The following MMP15 variants were observed in gnomAD, a reference collection of about 807,000 sequenced individuals.
MMP15 encodes matrix metallopeptidase 15, also known as matrix metalloproteinase-15.
Under a neutral mutation model 65.0 loss-of-function variants are expected in MMP15, and 36 were observed. That is an observed-to-expected ratio of 0.55 (90% CI 0.42 to 0.73). The LOEUF is 0.73. Among genes scored for constraint, MMP15 ranks in the 30% least tolerant of loss-of-function variants. The pLI, the probability that MMP15 is intolerant of heterozygous loss-of-function variation, is 0.00. For missense variants in MMP15, 870 were observed against 987.8 expected, an observed-to-expected ratio of 0.88 and a Z score of 1.60; for synonymous variants, 428 against 410.2, an observed-to-expected ratio of 1.04 and a Z score of -0.52.
At chr16:58,033,367 C>G (rs1959269372) in intron 1 of MMP15, among the ~76,000 whole-genome samples, 1 of 152,236 alleles carries the variant, frequency 6.6e-6, no homozygotes, top group Non-Finnish European at 1.5e-5. Context: ...GAGGCACTCA[C>G]TATCTCTGAA....
At chr16:58,042,944 C>T (rs986387361) in intron 7 of MMP15, among the ~76,000 whole-genome samples, 1 of 152,084 alleles carries the variant, frequency 6.6e-6, no homozygotes, top group Non-Finnish European at 1.5e-5. Context: ...ACTATATGTG[C>T]GGGGGTGGAT....
intron 1 of MMP15, among the ~76,000 whole-genome samples, chr16:58,029,817 C>T (rs919912082): frequency 5.9e-5 from 9 of 152,142 alleles, no homozygotes; most frequent in Non-Finnish European, 1.2e-4. Flanking sequence ...ATCCCCACCC[C>T]CAAAAGAAGA....
chr16:58,029,636 G>A (rs1342394907), intron 1 of MMP15, among the ~76,000 whole-genome samples: 1 of 152,210 alleles, frequency 6.6e-6, no homozygotes, highest in African/African-American at 2.4e-5. Context: ...CCAGTCATCT[G>A]TCTCCTTGCA....
chr16:58,028,661 G>T (rs981773337), intron 1 of MMP15, among the ~76,000 whole-genome samples: 43 of 152,190 alleles, frequency 2.8e-4, no homozygotes, highest in Non-Finnish European at 8.8e-5. Context: ...CAGGCCTCCA[G>T]TAGGGTCACA....
At chr16:58,027,452 C>T (rs1473687865) in intron 1 of MMP15, among the ~76,000 whole-genome samples, 1 of 152,200 alleles carries the variant, frequency 6.6e-6, no homozygotes, top group Non-Finnish European at 1.5e-5. Context: ...GCGCCCTGCC[C>T]CAGATAGGCG....
chr16:58,027,306 C>A (rs918046530), intron 1 of MMP15, among the ~76,000 whole-genome samples: 1 of 152,188 alleles, frequency 6.6e-6, no homozygotes, highest in Non-Finnish European at 1.5e-5. Context: ...GGTGACCAGG[C>A]GCGACATCCC....
chr16:58,044,968 G>T, intron 9 of MMP15, 39 bp from the exon 10 acceptor site: 2 of 1,610,586 alleles, frequency 1.2e-6, no homozygotes, highest in Non-Finnish European at 1.7e-6. Flanking sequence ...TGGTGGTTCG[G>T]CTCAACCTGA....
At position 58,041,600 on chromosome 16, in the gene MMP15, C is replaced by A. The variant is rs1247541464; in HGVS notation, c.911-17C>A. 1 of 1,567,566 alleles carries A rather than the reference C, an allele frequency of 6.4e-7. No homozygotes were observed. Among genetic ancestry groups the A allele is most frequent in the South Asian group, 1.2e-5 (1 of 85,448 alleles). On this transcript the variant is annotated splice_polypyrimidine_tract_variant and intron_variant, in intron 5 of 9. Transcript: ENST00000219271. Reference sequence around the variant, plus strand: ...TAGGAACACAGACCTCACTTCTGAACCCCTGCCTCTCTGCAGGTACCCCAG... The same window carrying A: ...TAGGAACACAGACCTCACTTCTGAAACCCTGCCTCTCTGCAGGTACCCCAG...
chr16:58,040,298 T>C, intron 4 of MMP15, 116 bp downstream of exon 4: 1 of 1,160,098 alleles, frequency 8.6e-7, no homozygotes, highest in Non-Finnish European at 1.2e-6. Flanking sequence ...TCCCCTGTGT[T>C]TGTCTCCAGA....
intron 7 of MMP15, among the ~76,000 whole-genome samples, chr16:58,042,630 CCTTGCCT>C (rs1416606829): frequency 2.0e-5 from 3 of 152,212 alleles, no homozygotes; most frequent in Non-Finnish European, 4.4e-5. Context: ...TTCCCTCTGT[CCTTGCCT>C]CTTTGCCTCC....
In MMP15 at chr16:58,045,155, C is replaced by T. The variant is rs370223433; in HGVS notation, c.1719C>T (p.Ala573=). 2 of 1,597,124 alleles carry T rather than the reference C, an allele frequency of 1.3e-6. No individual in the cohort carries two copies. The highest frequency in any genetic ancestry group is 3.6e-5 in the Admixed American group (2 of 56,314). The change falls in exon 10 of 10, where the codon GCC becomes GCT. Residue 573 remains alanine, a synonymous_variant. Coordinates refer to ENST00000219271, the MANE Select transcript of MMP15 (RefSeq NM_002428.4). ...CAGGCCCCCGATGGCCCGACGTGGC[C>T]CGGCCGCCCTTCAACCCCCACGGGG... ...VEPGPRWPDV[A]RPPFNPHGGA... is the part of the protein sequence containing the mutation.
rs769079859 is a variant in MMP15, at chr16:58,043,593, C to G, written c.1536C>G (p.Ala512=). The G allele has an allele frequency of 1.2e-6, 2 of 1,613,418 alleles. No homozygotes were observed. Among genetic ancestry groups the G allele is most frequent in the African/African-American group, 2.7e-5 (2 of 75,042 alleles). ...KPISVWQGIP[A]SPKGAFLSND... ...TCAGTGTCTGGCAGGGGATCCCTGC[C>G]TCCCCTAAAGGGGCCTTCCTGAGCA... The change falls in exon 9 of 10, where the codon GCC becomes GCG. Residue 512 remains alanine (A), a synonymous_variant. Coordinates refer to ENST00000219271, the MANE Select transcript of MMP15 (RefSeq NM_002428.4).
chr16:58,039,623 C>T (rs1326445197), intron 3 of MMP15, among the ~76,000 whole-genome samples: 1 of 152,208 alleles, frequency 6.6e-6, no homozygotes, highest in Admixed American at 6.5e-5. Context: ...CCACATAGCA[C>T]CTGTATTTTA....
chr16:58,041,449 G>C (rs1306403344), intron 5 of MMP15, among the ~76,000 whole-genome samples, 168 bp from the exon 6 acceptor site: 6 of 151,502 alleles, frequency 4.0e-5, no homozygotes, highest in Non-Finnish European at 7.4e-5. Context: ...GGGCTAGAAG[G>C]AGGAGGACCC....
At position 58,029,532 on chromosome 16, in the gene MMP15, G is replaced by C. The variant is rs546222919; in HGVS notation, c.162+3020G>C. On this transcript the variant is annotated intron_variant, in intron 1 of 9. Coordinates refer to ENST00000219271, the MANE Select transcript of MMP15 (RefSeq NM_002428.4). ...GTCAAGACCCAGAGAGAACTGGTCTGATTGGCACAGCCAGGGACCTAGATC... is the reference window on the plus strand; with the variant it reads ...GTCAAGACCCAGAGAGAACTGGTCTCATTGGCACAGCCAGGGACCTAGATC... 3.1e-4 allele frequency among the ~76,000 whole-genome samples: 47 copies of C among 152,334 alleles called. No homozygotes were observed. In the South Asian group the frequency reaches 9.1e-3, roughly 30 times the overall value.
In MMP15 at chr16:58,044,966, C is replaced by T. The variant is rs746011803; in HGVS notation, c.1571-41C>T. ...CCTTTGATGGTTCTCACTGGTGGTTCGGCTCAACCTGAAGCCACTCTGGCC... is the reference window on the plus strand; with the variant it reads ...CCTTTGATGGTTCTCACTGGTGGTTTGGCTCAACCTGAAGCCACTCTGGCC... On this transcript the variant is annotated intron_variant, in intron 9 of 9. Coordinates refer to ENST00000219271, the MANE Select transcript of MMP15 (RefSeq NM_002428.4). 1.3e-5 allele frequency: 21 copies of T among 1,606,956 alleles called. No homozygotes were observed. The East Asian group carries it at 1.6e-4, about 12-fold the overall frequency.
chr16:58,026,423 G>A lies in MMP15; in HGVS notation c.73G>A (p.Ala25Thr). 3 of 1,444,858 alleles carry A rather than the reference G, an allele frequency of 2.1e-6. No homozygotes were observed. The highest frequency in any genetic ancestry group is 2.7e-6 in the Non-Finnish European group (3 of 1,102,734). The allele number at this position is 1,444,858 out of a possible 1,614,324, so 89.5% of individuals were successfully genotyped here. A position where few individuals can be genotyped will look rare whatever the true frequency, so the allele number is the denominator to read the frequency against. The change falls in exon 1 of 10, where the codon GCG becomes ACG. Residue 25 changes from alanine (A) to threonine (T), a missense_variant. Ala to Thr is a moderately conservative substitution (Grantham distance 58). Transcript: ENST00000219271. ...GSLLGDREEA[A>T]RPRLLPLLLV... ...CCTCCTCGGCGACCGGGAGGAGGCG[G>A]CGCGGCCGCGACTGCTGCCGCTGCT...
chr16:58,038,229 G>T (rs781053840), intron 2 of MMP15, 37 bp from the exon 3 acceptor site: 1 of 1,607,360 alleles, frequency 6.2e-7, no homozygotes, highest in Admixed American at 1.7e-5. Flanking sequence ...GTGTGGAGGG[G>T]AGGCTCCGTG....
Position 58,042,321 on chromosome 16 carries a change from A to G in MMP15, c.1255A>G (p.Ile419Val), listed in dbSNP as rs139643453. The stretch of plus-strand genomic sequence containing the variant: ...CTTCTGGCGTGGTCTGCCCGGTGAC[A>G]TCAGTGCTGCCTACGAGCGCCAAGA... ...GHFWRGLPGD[I>V]SAAYERQDGR... The change falls in exon 7 of 10, where the codon ATC becomes GTC. Residue 419 changes from isoleucine (I) to valine (V), a missense_variant. By Grantham distance (29) the Ile-to-Val change is conservative (BLOSUM62 3). Coordinates refer to ENST00000219271, the MANE Select transcript of MMP15 (RefSeq NM_002428.4). 1,114 of 1,614,226 alleles carry G rather than the reference A, an allele frequency of 6.9e-4. 2 individuals carry two copies. The highest frequency in any genetic ancestry group is 8.6e-4 in the Non-Finnish European group (1,017 of 1,180,030).
Sources: allele counts gnomAD v4.1 joint callset (sites outside exome capture counted in the v4.1 genomes callset), GRCh38; gene constraint gnomAD v4.1.1; transcripts MANE v1.5; gene names NCBI Gene and HGNC (gene_info 2026-07-23, HGNC 2026-07-21).